NAALADL2: variants seen among roughly 807,000 people sequenced by gnomAD.
NAALADL2 encodes inactive N-acetylated-alpha-linked acidic dipeptidase-like protein 2.
NAALADL2 carries 76 observed loss-of-function variants against 87.2 expected under a neutral mutation model. The observed-to-expected ratio is 0.87, with a 90% CI of 0.72 to 1.05. The LOEUF is 1.05. Ranked by LOEUF, NAALADL2 falls within the 50% of genes least tolerant of loss-of-function variation. The pLI, the probability that NAALADL2 is intolerant of heterozygous loss-of-function variation, is 0.00. For synonymous variants in NAALADL2, 354 were observed against 331.0 expected (o/e 1.07, Z -0.75); for missense variants, 1,089 against 945.8 (o/e 1.15, Z -1.99).
chr3:175,567,211 A>G (rs1358620547), intron 9 of NAALADL2, among the ~76,000 whole-genome samples: 1 of 152,192 alleles, frequency 6.6e-6, no homozygotes, highest in Non-Finnish European at 1.5e-5. Flanking sequence ...GTGGAGAGAG[A>G]AAAAATGAAG....
At chr3:175,198,221 T>C (rs1262175740) in intron 2 of NAALADL2, among the ~76,000 whole-genome samples, 1 of 152,112 alleles carries the variant, frequency 6.6e-6, no homozygotes, top group Non-Finnish European at 1.5e-5. Context: ...TGTAAAAACT[T>C]ATCTTCAAGA....
intron 5 of NAALADL2, among the ~76,000 whole-genome samples, chr3:175,422,310 G>A (rs1296036968): frequency 2.0e-5 from 3 of 152,176 alleles, no homozygotes; most frequent in Middle Eastern, 6.8e-3. Context: ...GGAAGAGAAT[G>A]AGGAGAGTTG....
At chr3:174,781,210 A>G (rs1011091154) in intron 3 of NAALADL2, among the ~76,000 whole-genome samples, 2 of 151,478 alleles carry the variant, frequency 1.3e-5, no homozygotes, top group Admixed American at 1.3e-4. Context: ...TGCCATTACC[A>G]TTTTTTTCCT....
At chr3:174,569,187 A>G (rs868074740) in intron 2 of NAALADL2, among the ~76,000 whole-genome samples, 18 of 151,920 alleles carry the variant, frequency 1.2e-4, no homozygotes, top group Admixed American at 3.9e-4. Flanking sequence ...AAGAGAGTGT[A>G]TTACATGTAC....
intron 4 of NAALADL2, among the ~76,000 whole-genome samples, chr3:175,310,389 A>G (rs971661731): frequency 4.6e-5 from 7 of 152,046 alleles, no homozygotes; most frequent in Non-Finnish European, 7.4e-5. Flanking sequence ...AGTTATAAAG[A>G]CAATTTTGAA....
At chr3:175,271,440 G>A (rs567866260) in intron 4 of NAALADL2, among the ~76,000 whole-genome samples, 1 of 152,296 alleles carries the variant, frequency 6.6e-6, no homozygotes, top group Non-Finnish European at 1.5e-5. Flanking sequence ...ACATGAAAGA[G>A]TATTTGTGGG....
At chr3:175,767,196 A>G (rs1325334798) in intron 13 of NAALADL2, among the ~76,000 whole-genome samples, 2 of 151,814 alleles carry the variant, frequency 1.3e-5, no homozygotes, top group Non-Finnish European at 2.9e-5. Flanking sequence ...ACAAGACTAC[A>G]GCATTTTTAA....
chr3:174,816,319 A>G (rs981069639), intron 3 of NAALADL2, among the ~76,000 whole-genome samples: 4 of 151,046 alleles, frequency 2.6e-5, no homozygotes, highest in Non-Finnish European at 5.9e-5. Flanking sequence ...TTCTATGTAT[A>G]ATGCTCTCTC....
chr3:174,796,359 A>G (rs1479357623), intron 3 of NAALADL2, among the ~76,000 whole-genome samples: 4 of 152,132 alleles, frequency 2.6e-5, no homozygotes, highest in African/African-American at 7.2e-5. Flanking sequence ...ATTTCTCATC[A>G]TACCACCCCT....
At chr3:175,341,108 C>A (rs754705978) in intron 5 of NAALADL2, among the ~76,000 whole-genome samples, 9 of 151,872 alleles carry the variant, frequency 5.9e-5, no homozygotes, top group Non-Finnish European at 1.2e-4. Flanking sequence ...CTAATTCAAC[C>A]TATTTTCATC....
intron 5 of NAALADL2, among the ~76,000 whole-genome samples, chr3:175,405,098 A>G (rs1471293912): frequency 6.6e-6 from 1 of 152,116 alleles, no homozygotes; most frequent in East Asian, 1.9e-4. Flanking sequence ...GAATATATAG[A>G]TTTTGATTCA....
At chr3:175,175,567 C>T (rs1216525810) in intron 2 of NAALADL2, among the ~76,000 whole-genome samples, 1 of 151,954 alleles carries the variant, frequency 6.6e-6, no homozygotes, top group Non-Finnish European at 1.5e-5. Flanking sequence ...ATTGTGAATA[C>T]CTGCATGTAG....
intron 4 of NAALADL2, among the ~76,000 whole-genome samples, chr3:175,309,779 T>G (rs926192590): frequency 1.3e-5 from 2 of 152,206 alleles, no homozygotes; most frequent in South Asian, 4.1e-4. Flanking sequence ...GCATATTACG[T>G]AGCATTTTAC....
At chr3:175,287,332 A>G (rs914068029) in intron 4 of NAALADL2, among the ~76,000 whole-genome samples, 9 of 152,218 alleles carry the variant, frequency 5.9e-5, no homozygotes, top group African/African-American at 1.4e-4. Context: ...CAAAAATAAT[A>G]TAATTAACAT....
At chr3:175,618,495 T>C (rs760587183) in intron 10 of NAALADL2, among the ~76,000 whole-genome samples, 1 of 152,140 alleles carries the variant, frequency 6.6e-6, no homozygotes, top group Non-Finnish European at 1.5e-5. Context: ...CAAACCCTTA[T>C]GCAAAGGAAT....
intron 2 of NAALADL2, among the ~76,000 whole-genome samples, chr3:175,152,486 A>G (rs1731689425): frequency 6.6e-6 from 1 of 152,214 alleles, no homozygotes; most frequent in Admixed American, 6.5e-5. Flanking sequence ...GTATGTGGGT[A>G]CATAATTCCT....
At chr3:175,745,313 T>C (rs992683831) in intron 12 of NAALADL2, among the ~76,000 whole-genome samples, 4 of 152,182 alleles carry the variant, frequency 2.6e-5, no homozygotes, top group Non-Finnish European at 5.9e-5. Flanking sequence ...TATGGAGATA[T>C]AGTGTAAATA....
chr3:175,190,123 A>C (rs1451375320), intron 2 of NAALADL2, among the ~76,000 whole-genome samples: 2 of 151,512 alleles, frequency 1.3e-5, no homozygotes, highest in Admixed American at 6.6e-5. Context: ...ACATAGGGGA[A>C]AAGCTCATTG....
intron 2 of NAALADL2, among the ~76,000 whole-genome samples, chr3:174,737,320 T>C (rs1733321181): frequency 6.6e-6 from 1 of 152,258 alleles, no homozygotes; most frequent in Non-Finnish European, 1.5e-5. Flanking sequence ...TTTTGTTATG[T>C]TTAGCAGTGT....
Sources: gnomAD v4.1 joint callset for allele counts (sites outside exome capture counted in the v4.1 genomes callset) on GRCh38, gnomAD v4.1.1 for gene constraint, MANE v1.5 for transcripts, NCBI Gene and HGNC (gene_info 2026-07-23, HGNC 2026-07-21) for gene names.